The following CASKIN1 variants were observed in gnomAD, a reference collection of about 807,000 sequenced individuals.
CASKIN1 encodes the protein caskin-1.
In CASKIN1, 42 loss-of-function variants were observed where a neutral mutation model predicts 117.5. The observed-to-expected ratio is 0.36, with a 90% CI of 0.28 to 0.46. CASKIN1 has a LOEUF of 0.46. CASKIN1 is among the 20% of genes least tolerant of loss of function. The probability of loss-of-function intolerance (pLI) is 1.00; values close to 1 mark genes in which losing one functional copy is unlikely to be tolerated. For missense variants in CASKIN1, 2,083 were observed against 2,077.3 expected, an observed-to-expected ratio of 1.00 and a Z score of -0.05; for synonymous variants, 1,148 against 961.7, an observed-to-expected ratio of 1.19 and a Z score of -3.59.
chr16:2,191,352 C>T (rs796791006), intron 1 of CASKIN1, among the ~76,000 whole-genome samples: 8 of 152,326 alleles, frequency 5.3e-5, no homozygotes, highest in African/African-American at 1.9e-4. Context: ...AGCCACTGGA[C>T]ACAGGGTGCG....
At position 2,180,069 on chromosome 16, in the gene CASKIN1, G is replaced by T; in HGVS notation, c.3299C>A (p.Pro1100His). 6.4e-7 allele frequency: 1 copy of T among 1,573,642 alleles called. No individual in the cohort carries two copies. The highest frequency in any genetic ancestry group is 8.6e-7 in the Non-Finnish European group (1 of 1,160,414). ...CGCCTCGCCCTTGGAGGGACCCCGA[G>T]GCCGCTGCCGGCCAGTGCCATCCTC... is the stretch of plus-strand genomic sequence containing the variant. ...FVEDGTGRQR[P>H]RGPSKGEAGV... Residue 1100 changes from proline to histidine, a missense_variant, in exon 18 of 20, where the codon CCT (proline) becomes CAT (histidine). By Grantham distance (77) the Pro-to-His change is moderately conservative. Around this residue, in one of 3 missense-constraint regions of CASKIN1, gnomAD observed 1,818 missense variants for 1,688.9 expected, o/e 1.08. Coordinates refer to ENST00000343516, the MANE Select transcript of CASKIN1 (RefSeq NM_020764.4).
At chr16:2,194,037 T>C (rs891765215) in intron 1 of CASKIN1, among the ~76,000 whole-genome samples, 1 of 152,132 alleles carries the variant, frequency 6.6e-6, no homozygotes, top group Non-Finnish European at 1.5e-5. Context: ...TGTGACTCTA[T>C]GACAGTAAAG....
chr16:2,183,621 G>A, intron 16 of CASKIN1, 25 bp downstream of exon 16: 1 of 1,609,354 alleles, frequency 6.2e-7, no homozygotes. Context: ...CCTGGGCCCA[G>A]CCCCTGGGAT....
Position 2,190,055 on chromosome 16 carries a change from G to GC in CASKIN1, c.244+17dup. Reference sequence around the variant, plus strand: ...GCCCCCGCCCCTGCCCCCACCAGAGGCCCTCGGCTAGTCTTGCCTTTGTTG... The same window carrying GC: ...GCCCCCGCCCCTGCCCCCACCAGAGGCCCCTCGGCTAGTCTTGCCTTTGTTG... On this transcript the variant is annotated intron_variant, in intron 3 of 19. Transcript: ENST00000343516. 1 of 1,609,264 alleles carries GC rather than the reference G, an allele frequency of 6.2e-7. No individual in the cohort carries two copies. The highest frequency in any genetic ancestry group is 1.8e-4 in the Middle Eastern group (1 of 5,562).
At chr16:2,186,636 A>G in intron 10 of CASKIN1, 71 bp downstream of exon 10, 1 of 1,381,510 alleles carries the variant, frequency 7.2e-7, no homozygotes, top group Non-Finnish European at 1.0e-6. Flanking sequence ...CCACACCCTC[A>G]GCACACTCGC....
chr16:2,195,818 G>A (rs1035429407), intron 1 of CASKIN1, among the ~76,000 whole-genome samples: 3 of 152,212 alleles, frequency 2.0e-5, no homozygotes, highest in Non-Finnish European at 4.4e-5. Flanking sequence ...GGCCATGCCA[G>A]GGCAGCCACA....
Position 2,187,003 on chromosome 16 carries a change from T to C in CASKIN1, c.905A>G (p.Asn302Ser). ...TGTGATGATGTCCCCTGCCTTCACG[T>C]TGAGGCTGGTCAGGTCGTAATTGTT... Reference protein sequence around the residue: ...YCNNYDLTSLNVKAGDIITVL... With the variant: ...YCNNYDLTSLSVKAGDIITVL... Residue 302 changes from asparagine to serine, a missense_variant, in exon 9 of 20, where the codon AAC becomes AGC. By Grantham distance (46) the Asn-to-Ser change is conservative (BLOSUM62 1). Around this residue, in one of 3 missense-constraint regions of CASKIN1, gnomAD observed 1,818 missense variants for 1,688.9 expected, o/e 1.08. Coordinates refer to ENST00000343516, the MANE Select transcript of CASKIN1 (RefSeq NM_020764.4). The C allele has an allele frequency of 1.2e-6, 2 of 1,613,828 alleles. No individual in the cohort carries two copies. The highest frequency in any genetic ancestry group is 2.2e-5 in the East Asian group (1 of 44,850).
At chr16:2,184,197 G>T (rs943796077) in intron 14 of CASKIN1, among the ~76,000 whole-genome samples, 1 of 151,884 alleles carries the variant, frequency 6.6e-6, no homozygotes, top group African/African-American at 2.4e-5. Flanking sequence ...GGGCGGGGGG[G>T]CTGCTACTGT....
At position 2,184,840 on chromosome 16, in the gene CASKIN1, G is replaced by T; in HGVS notation, c.1353C>A (p.Ala451=). 1 of 1,559,720 alleles carries T rather than the reference G, an allele frequency of 6.4e-7. No homozygotes were observed. Among genetic ancestry groups the T allele is most frequent in the Non-Finnish European group, 8.7e-7 (1 of 1,152,468 alleles). Residue 451 remains alanine (A), a synonymous_variant, in exon 14 of 20, where the codon GCC becomes GCA. Transcript: ENST00000343516. ...GCTCCCCATAGACCTGCCCGGCGTG[G>T]GCCACTGGAGGCTGGGACCGGGCCA... ...AGVARSQPPV[A]HAGQVYGEQP... is the part of the protein sequence containing the mutation.
In CASKIN1 at chr16:2,181,456, C is replaced by G. The variant is rs780908631; in HGVS notation, c.1912G>C (p.Glu638Gln). 1.2e-6 allele frequency: 2 copies of G among 1,611,974 alleles called. No homozygotes were observed. The highest frequency in any genetic ancestry group is 3.3e-5 in the Admixed American group (2 of 59,966). Residue 638 changes from glutamate (E) to glutamine (Q), a missense_variant, in exon 18 of 20, where the codon GAG becomes CAG. Transcript: ENST00000343516. ...GACTGGCAGTCGGCCGGTGTGGGCT[C>G]AGGCGGGGGCGGCGACTCGATGGCC... ...VMAIESPPPP[E>Q]PTPADCQSPK...
At chr16:2,178,770 G>A (rs2093154380) in intron 19 of CASKIN1, 124 bp from the exon 20 acceptor site, 1 of 1,327,444 alleles carries the variant, frequency 7.5e-7, no homozygotes, top group Non-Finnish European at 9.8e-7. Flanking sequence ...GACCTCGGCG[G>A]AGCCCCGCTC....
At chr16:2,178,726 C>T in intron 19 of CASKIN1, 80 bp from the exon 20 acceptor site, 1 of 1,379,984 alleles carries the variant, frequency 7.2e-7, no homozygotes, top group Non-Finnish European at 9.6e-7. Flanking sequence ...CGCCCACGTC[C>T]CGCATCTCCG....
Position 2,196,045 on chromosome 16 carries a change from G to A in CASKIN1, c.94+294C>T, listed in dbSNP as rs1168458837. ...CAGCTGTCAGCCCGCAGCCTGGGAA[G>A]GGAGGGGGACAGAGGTAGAGAGAGA... On this transcript the variant is annotated intron_variant, in intron 1 of 19. Transcript: ENST00000343516. This position sits in a 1 kb window ranked among gnomAD's most constrained non-coding sequence, Gnocchi z 5.7. Among the ~76,000 whole-genome samples, 1 of 152,056 alleles carries A rather than the reference G, an allele frequency of 6.6e-6. No individual in the cohort carries two copies. Among genetic ancestry groups the A allele is most frequent in the Non-Finnish European group, 1.5e-5 (1 of 67,978 alleles).
intron 6 of CASKIN1, among the ~76,000 whole-genome samples, chr16:2,188,736 G>A (rs1396018587): frequency 6.6e-6 from 1 of 152,136 alleles, no homozygotes; most frequent in Non-Finnish European, 1.5e-5. Flanking sequence ...AGGCGCTGCT[G>A]TGAACCCCAC....
Position 2,186,843 on chromosome 16 carries a change from G to A in CASKIN1, c.931-19C>T. ...CGAGGACCTGGCCAGTAAGGTGGGGGGCGCTCAGGGAGATGCCCCCTTTCG... is the reference window on the plus strand; with the variant it reads ...CGAGGACCTGGCCAGTAAGGTGGGGAGCGCTCAGGGAGATGCCCCCTTTCG... On this transcript the variant is annotated intron_variant, in intron 9 of 19. Coordinates refer to ENST00000343516, the MANE Select transcript of CASKIN1 (RefSeq NM_020764.4). 1 of 1,611,500 alleles carries A rather than the reference G, an allele frequency of 6.2e-7. No individual in the cohort carries two copies. The highest frequency in any genetic ancestry group is 8.5e-7 in the Non-Finnish European group (1 of 1,178,754).
At position 2,181,019 on chromosome 16, in the gene CASKIN1, G is replaced by A; in HGVS notation, c.2349C>T (p.Thr783=). 6.7e-7 allele frequency: 1 copy of A among 1,487,066 alleles called. No individual in the cohort carries two copies. The highest frequency in any genetic ancestry group is 2.5e-5 in the East Asian group (1 of 40,698). The allele number at this position is 1,487,066 out of a possible 1,614,324, so 92.1% of individuals were successfully genotyped here. The stretch of plus-strand genomic sequence containing the variant: ...CAAGGGCCTGGGGAGAGCCTGGTCG[G>A]GTTTTGGTGGGCGTCTGGGGGGGCG... ...HFTPPQTPTK[T]RPGSPQALGG... Residue 783 remains threonine, a synonymous_variant, in exon 18 of 20, where the codon ACC becomes ACT. Transcript: ENST00000343516.
Position 2,178,624 on chromosome 16 carries a change from T to G in CASKIN1, c.4222A>C (p.Thr1408Pro). The G allele has an allele frequency of 3.1e-6, 5 of 1,594,982 alleles. No individual in the cohort carries two copies. Among genetic ancestry groups the G allele is most frequent in the Non-Finnish European group, 4.3e-6 (5 of 1,175,510 alleles). Residue 1408 changes from threonine (T) to proline (P), a missense_variant, in exon 20 of 20, where the codon ACT becomes CCT. Around this residue, in one of 3 missense-constraint regions of CASKIN1, gnomAD observed 1,818 missense variants for 1,688.9 expected, o/e 1.08. Transcript: ENST00000343516. ...CCGATGTCGTCCAGGATGCTGCCAG[T>G]GCTCTTTTCCGCCGCCGAGTCGCTG... ...GPRDSAAEKSTGSILDDIGSM... is the reference protein window; with the variant it reads ...GPRDSAAEKSPGSILDDIGSM...
At position 2,182,011 on chromosome 16, in the gene CASKIN1, T is replaced by C. The variant is rs2093169765; in HGVS notation, c.1630-82A>G. 1 of 1,587,000 alleles carries C rather than the reference T, an allele frequency of 6.3e-7. No individual in the cohort carries two copies. Among genetic ancestry groups the C allele is most frequent in the African/African-American group, 1.3e-5 (1 of 74,364 alleles). On this transcript the variant is annotated intron_variant, in intron 16 of 19. Coordinates refer to ENST00000343516, the MANE Select transcript of CASKIN1 (RefSeq NM_020764.4). The surrounding 1 kb of genome is among the most constrained non-coding windows in gnomAD (Gnocchi z 4.1). ...CTACCTGGAGCTGGAGGAGGAAGGG[T>C]CACCGGGCCAGCAGGGCACAGACAG...
Position 2,178,069 on chromosome 16 carries a change from T to A in CASKIN1, c.*481A>T, listed in dbSNP as rs1469349476. 1.4e-5 allele frequency: 7 copies of A among 486,666 alleles called. No individual in the cohort carries two copies. The highest frequency in any genetic ancestry group is 2.7e-5 in the Non-Finnish European group (7 of 254,660). The allele number at this position is 486,666 out of a possible 1,614,324, so 30.1% of individuals were successfully genotyped here. A position where few individuals can be genotyped will look rare whatever the true frequency, so the allele number is the denominator to read the frequency against. On this transcript the variant is annotated 3_prime_UTR_variant, in exon 20 of 20. Coordinates refer to ENST00000343516, the MANE Select transcript of CASKIN1 (RefSeq NM_020764.4). ...TATATTTGTTAAAGTTATACCTTTTTGTTTCTCTGGGGAAATCCGCCTCAG... is the reference window on the plus strand; with the variant it reads ...TATATTTGTTAAAGTTATACCTTTTAGTTTCTCTGGGGAAATCCGCCTCAG...
Sources: gnomAD v4.1 joint callset for allele counts (sites outside exome capture counted in the v4.1 genomes callset) on GRCh38, gnomAD v4.1.1 for gene constraint, gnomAD v4.1.1 regional missense constraint, Gnocchi (gnomAD v3.1) non-coding constraint, MANE v1.5 for transcripts, NCBI Gene and HGNC (gene_info 2026-07-23, HGNC 2026-07-21) for gene names.